SPATA6L: variants seen among roughly 807,000 people sequenced by gnomAD.
SPATA6L encodes spermatogenesis associated 6 like.
Under a neutral mutation model 49.2 loss-of-function variants are expected in SPATA6L, and 68 were observed. The observed-to-expected ratio is 1.38, with a 90% CI of 1.14 to 1.69. The LOEUF is 1.69. SPATA6L is among the 40% of genes most tolerant of loss of function. SPATA6L has a pLI of 0.00. For synonymous variants in SPATA6L, 198 were observed against 165.7 expected, an observed-to-expected ratio of 1.19 and a Z score of -1.50; for missense variants, 668 against 464.3, an observed-to-expected ratio of 1.44 and a Z score of -4.03.
chr9:4,617,026 G>A (rs1428205301), intron 9 of SPATA6L, among the ~76,000 whole-genome samples: 5 of 152,146 alleles, frequency 3.3e-5, no homozygotes, highest in Non-Finnish European at 7.4e-5. Flanking sequence ...TGAATATAGA[G>A]TTATTATGTC....
Position 4,662,271 on chromosome 9 carries a change from T to TCTCCCCGCCC in SPATA6L, c.40-245_40-236dup. Reference sequence around the variant, plus strand: ...TCACAATCGCGCTCTCGCCGGCTCCTCTCCCCGCCCCTCCGGGATGGTAGT... The same window carrying TCTCCCCGCCC: ...TCACAATCGCGCTCTCGCCGGCTCCTCTCCCCGCCCCTCCCCGCCCCTCCGGGATGGTAGT... On this transcript the variant is annotated intron_variant, in intron 1 of 11. Coordinates refer to ENST00000682582, the MANE Select transcript of SPATA6L (RefSeq NM_001353486.2). The surrounding 1 kb of genome is among the most constrained non-coding windows in gnomAD (Gnocchi z 4.9). 1 of 1,433,152 alleles carries TCTCCCCGCCC rather than the reference T, an allele frequency of 7.0e-7. No homozygotes were observed. 88.8% of individuals were successfully genotyped at this position (1,433,152 alleles called of 1,614,324 possible).
chr9:4,648,500 C>T (rs1337840748), intron 3 of SPATA6L, among the ~76,000 whole-genome samples: 1 of 149,386 alleles, frequency 6.7e-6, no homozygotes, highest in African/African-American at 2.5e-5. Context: ...GAGATCGAGA[C>T]CATCCTGGTC....
Position 4,625,643 on chromosome 9 carries a change from T to G in SPATA6L, c.430-77A>C, listed in dbSNP as rs1830208024. 4 of 1,037,628 alleles carry G rather than the reference T, an allele frequency of 3.9e-6. No individual in the cohort carries two copies. In the Admixed American group the frequency reaches 1.3e-4, roughly 33 times the overall value. 64.3% of individuals were successfully genotyped at this position (1,037,628 alleles called of 1,614,324 possible). ...AAATTCAATCAGAATATAACTGTAT[T>G]TAATTGAATTTTTAAAAATTAAGGT... On this transcript the variant is annotated intron_variant, in intron 5 of 11. Transcript: ENST00000682582.
intron 3 of SPATA6L, 63 bp downstream of exon 3, chr9:4,655,978 T>G: frequency 7.8e-7 from 1 of 1,288,554 alleles, no homozygotes; most frequent in South Asian, 1.3e-5. Context: ...GAGCAGAGTT[T>G]TGAATCTGTG....
intron 11 of SPATA6L, among the ~76,000 whole-genome samples, chr9:4,602,827 G>A (rs990045088): frequency 7.2e-5 from 11 of 152,184 alleles, no homozygotes; most frequent in Non-Finnish European, 1.5e-5. Context: ...TTGAGCAAGG[G>A]ACCTAACCTA....
intron 7 of SPATA6L, among the ~76,000 whole-genome samples, chr9:4,620,969 C>T (rs1314194401): frequency 2.0e-5 from 3 of 152,222 alleles, no homozygotes; most frequent in South Asian, 2.1e-4. Context: ...TCAAACTCTA[C>T]TCTGTCCTTG....
At chr9:4,665,492 A>C (rs998422384) in intron 1 of SPATA6L, among the ~76,000 whole-genome samples, 3 of 152,252 alleles carry the variant, frequency 2.0e-5, no homozygotes, top group African/African-American at 7.2e-5. Context: ...TGCCAATTGT[A>C]TGGAAGACAA....
At position 4,624,336 on chromosome 9, in the gene SPATA6L, G is replaced by A. The variant is rs117558730; in HGVS notation, c.669+991C>T. Among the ~76,000 whole-genome samples the A allele has an allele frequency of 8.0e-3, 1,222 of 152,296 alleles. 6 individuals are homozygous for A. The highest frequency in any genetic ancestry group is 0.02 in the Middle Eastern group (6 of 294). On this transcript the variant is annotated intron_variant, in intron 6 of 11. Coordinates refer to ENST00000682582, the MANE Select transcript of SPATA6L (RefSeq NM_001353486.2). ...AATGCAAGCATAAGGCAGAGAAATT[G>A]CGTCAAATTAAATCAAACAATGATT...
chr9:4,638,298 G>T (rs1331378715), intron 3 of SPATA6L, among the ~76,000 whole-genome samples: 1 of 152,062 alleles, frequency 6.6e-6, no homozygotes, highest in African/African-American at 2.4e-5. Context: ...TGCTACCTCT[G>T]CCTCCTGGGT....
chr9:4,603,854 G>C (rs1823993331), intron 11 of SPATA6L, among the ~76,000 whole-genome samples: 1 of 152,214 alleles, frequency 6.6e-6, no homozygotes, highest in South Asian at 2.1e-4. Context: ...ACATATTCCA[G>C]ATGGAGAAAA....
intron 3 of SPATA6L, among the ~76,000 whole-genome samples, chr9:4,639,607 G>A (rs976478640): frequency 6.6e-6 from 1 of 152,198 alleles, no homozygotes; most frequent in Non-Finnish European, 1.5e-5. Flanking sequence ...GCCTAGGTTA[G>A]AAATAATAAA....
chr9:4,656,317 T>C (rs182475998), intron 2 of SPATA6L, among the ~76,000 whole-genome samples: 154 of 152,234 alleles, frequency 1.0e-3, no homozygotes, highest in African/African-American at 3.4e-3. Context: ...CTCATGCCTG[T>C]ATTCCCAGCT....
chr9:4,615,750 T>C (rs945699633), intron 9 of SPATA6L, among the ~76,000 whole-genome samples: 1 of 152,146 alleles, frequency 6.6e-6, no homozygotes, highest in Admixed American at 6.5e-5. Context: ...AGCAGAGACA[T>C]GTCATGATGG....
At chr9:4,659,109 T>C (rs939904589) in intron 2 of SPATA6L, among the ~76,000 whole-genome samples, 1 of 152,222 alleles carries the variant, frequency 6.6e-6, no homozygotes, top group Non-Finnish European at 1.5e-5. Flanking sequence ...ATTCTGAGTA[T>C]ATGTTCCAAG....
At chr9:4,598,021 CCT>C (rs1822439688), downstream of SPATA6L, among the ~76,000 whole-genome samples, 1 of 152,194 alleles carries the variant, frequency 6.6e-6, no homozygotes, top group African/African-American at 2.4e-5. Flanking sequence ...AAACCCGCCA[CCT>C]CTTTTATGTC....
At chr9:4,641,523 A>G (rs904321996) in intron 3 of SPATA6L, among the ~76,000 whole-genome samples, 3 of 152,172 alleles carry the variant, frequency 2.0e-5, no homozygotes, top group African/African-American at 7.2e-5. Flanking sequence ...GTTATCTAAT[A>G]GTTGTTATGC....
chr9:4,640,419 T>C (rs1833780925), intron 3 of SPATA6L, among the ~76,000 whole-genome samples: 1 of 152,180 alleles, frequency 6.6e-6, no homozygotes, highest in South Asian at 2.1e-4. Flanking sequence ...CTTTTGAGTA[T>C]AAGTGTGTTT....
chr9:4,590,771 A>T (rs1211078003), intron 13 of SPATA6L, among the ~76,000 whole-genome samples: 1 of 152,088 alleles, frequency 6.6e-6, no homozygotes, highest in Non-Finnish European at 1.5e-5. Context: ...GAGGCAAATA[A>T]CCCTGGAACT....
chr9:4,609,844 A>G (rs202217111), intron 9 of SPATA6L, among the ~76,000 whole-genome samples: 90 of 152,038 alleles, frequency 5.9e-4, no homozygotes, highest in African/African-American at 2.1e-3. Flanking sequence ...TGGGAAAAGA[A>G]GAAGTCAAAT....
Sources: allele counts gnomAD v4.1 joint callset (sites outside exome capture counted in the v4.1 genomes callset), GRCh38; gene constraint gnomAD v4.1.1; non-coding constraint Gnocchi (gnomAD v3.1); transcripts MANE v1.5; gene names NCBI Gene and HGNC (gene_info 2026-07-23, HGNC 2026-07-21).